FRMD4A: variants seen among roughly 807,000 people sequenced by gnomAD.
FRMD4A encodes the protein FERM domain containing 4A.
Under a neutral mutation model 129.1 loss-of-function variants are expected in FRMD4A, and 29 were observed. The observed-to-expected ratio is 0.22, with a 90% confidence interval of 0.17 to 0.31. FRMD4A has a LOEUF of 0.31. Among genes scored for constraint, FRMD4A ranks in the 10% least tolerant of loss-of-function variants. The pLI is 1.00. For missense variants in FRMD4A, 1,272 were observed against 1,375.8 expected (o/e 0.92, Z 1.19); for synonymous variants, 634 against 571.6 (o/e 1.11, Z -1.56).
At position 13,886,728 on chromosome 10, in the gene FRMD4A, C is replaced by A. The variant is rs559044692; in HGVS notation, c.46-27816G>T. Among the ~76,000 whole-genome samples the A allele has an allele frequency of 4.6e-5, 7 of 152,276 alleles. No individual in the cohort carries two copies. In the South Asian group the frequency reaches 1.5e-3, roughly 32 times the overall value. On this transcript the variant is annotated intron_variant, in intron 2 of 24. Coordinates refer to ENST00000357447, the MANE Select transcript of FRMD4A (RefSeq NM_018027.5). ...CCTGGAGCAGCTGGGAACACAGGCA[C>A]ACGCCACCATGCTTGGCTGGTTTTT...
chr10:14,184,125 CTTTTTTTTTTTTTTT>C (rs58858936), intron 2 of FRMD4A, among the ~76,000 whole-genome samples: 3 of 64,640 alleles, frequency 4.6e-5, no homozygotes, highest in African/African-American at 1.9e-4. Flanking sequence ...CTTTTCTTTT[CTTTTTTTTTTTTTTT>C]TTTTTTTTTG....
At position 13,847,518 on chromosome 10, in the gene FRMD4A, CCCTCCCTT is replaced by C. The variant is rs543708214; in HGVS notation, c.111+11321_111+11328del. The stretch of plus-strand genomic sequence containing the variant: ...TCGCTCGCTCCCTCCCTCCTTCCCT[CCCTCCCTT>C]CCTCCCTTCCTCCCTTCCTTCCTTC... On this transcript the variant is annotated intron_variant, in intron 3 of 24. Transcript: ENST00000357447. 5.7e-3 allele frequency among the ~76,000 whole-genome samples: 862 copies of C among 151,948 alleles called. 14 individuals carry two copies. The highest frequency in any genetic ancestry group is 0.02 in the African/African-American group (813 of 41,496).
intron 2 of FRMD4A, among the ~76,000 whole-genome samples, chr10:13,922,709 C>T (rs987834732): frequency 1.3e-5 from 2 of 152,152 alleles, no homozygotes; most frequent in African/African-American, 2.4e-5. Context: ...AAATTAGCAT[C>T]GTATGGTGCC....
intron 2 of FRMD4A, among the ~76,000 whole-genome samples, chr10:14,128,088 C>CTTTA (rs1396465734): frequency 3.3e-5 from 3 of 89,914 alleles, no homozygotes; most frequent in Non-Finnish European, 6.6e-5. Context: ...TTCTTTCTTT[C>CTTTA]TTTCTTTCTT....
chr10:14,319,356 C>T (rs1387669358), intron 2 of FRMD4A, among the ~76,000 whole-genome samples: 1 of 145,736 alleles, frequency 6.9e-6, no homozygotes, highest in Admixed American at 6.7e-5. Flanking sequence ...TCTCCTCTCT[C>T]TCTCTCTCTC....
intron 15 of FRMD4A, chr10:13,684,006 G>C (rs1370885783): frequency 6.6e-6 from 1 of 152,154 alleles, no homozygotes; most frequent in Non-Finnish European, 1.5e-5. Context: ...ACTGCACCCA[G>C]CTGGGTGACT....
At chr10:13,942,761 T>C (rs558874978) in intron 2 of FRMD4A, among the ~76,000 whole-genome samples, 61 of 152,064 alleles carry the variant, frequency 4.0e-4, no homozygotes, top group Non-Finnish European at 7.2e-4. Context: ...GGTGAAACCC[T>C]GCCTCTACAA....
intron 2 of FRMD4A, among the ~76,000 whole-genome samples, chr10:14,162,686 T>C (rs1014205722): frequency 1.3e-5 from 2 of 150,980 alleles, no homozygotes; most frequent in Non-Finnish European, 2.9e-5. Context: ...ATTTGAAGTA[T>C]TGCATCAGAT....
chr10:14,053,158 G>A (rs569974931), intron 2 of FRMD4A, among the ~76,000 whole-genome samples: 3 of 152,290 alleles, frequency 2.0e-5, no homozygotes, highest in Non-Finnish European at 4.4e-5. Context: ...CAAAAACACT[G>A]TGCAGTGATT....
At chr10:14,239,310 T>C (rs1843945183) in intron 2 of FRMD4A, among the ~76,000 whole-genome samples, 2 of 152,188 alleles carry the variant, frequency 1.3e-5, no homozygotes, top group South Asian at 4.1e-4. Flanking sequence ...ACAAAAAGTT[T>C]TGTTGAGAAT....
intron 2 of FRMD4A, among the ~76,000 whole-genome samples, chr10:14,193,949 C>G (rs1308382072): frequency 6.6e-6 from 1 of 152,144 alleles, no homozygotes; most frequent in Non-Finnish European, 1.5e-5. Context: ...TTGATACATA[C>G]AAACTATGGA....
chr10:13,956,185 C>T (rs2095409082), intron 2 of FRMD4A, among the ~76,000 whole-genome samples: 1 of 152,120 alleles, frequency 6.6e-6, no homozygotes, highest in African/African-American at 2.4e-5. Flanking sequence ...CAGAGTCTCA[C>T]TCTGTCACCC....
At chr10:14,101,779 C>CACAAT (rs1837318236) in intron 2 of FRMD4A, among the ~76,000 whole-genome samples, 1 of 151,198 alleles carries the variant, frequency 6.6e-6, no homozygotes, top group African/African-American at 2.4e-5. Flanking sequence ...CACAACACAA[C>CACAAT]ACATCTCTCC....
At position 14,318,942 on chromosome 10, in the gene FRMD4A, G is replaced by A. The variant is rs1356164402; in HGVS notation, c.45+11116C>T. Among the ~76,000 whole-genome samples, 4 of 152,204 alleles carry A rather than the reference G, an allele frequency of 2.6e-5. No individual in the cohort carries two copies. The East Asian group carries it at 5.8e-4, about 22-fold the overall frequency. Reference sequence around the variant, plus strand: ...GAGGCTAGGTTATGAGCGATCATATGGCTCTGCCTGGCTAGCTCAGATACT... The same window carrying A: ...GAGGCTAGGTTATGAGCGATCATATAGCTCTGCCTGGCTAGCTCAGATACT... On this transcript the variant is annotated intron_variant, in intron 2 of 24. Transcript: ENST00000357447.
intron 2 of FRMD4A, among the ~76,000 whole-genome samples, chr10:14,217,081 T>A (rs1843098105): frequency 6.6e-6 from 1 of 152,172 alleles, no homozygotes; most frequent in African/African-American, 2.4e-5. Context: ...CACCTTCACT[T>A]CTCTGTCACT....
chr10:13,839,670 A>G lies in FRMD4A; in HGVS notation c.111+19177T>C, dbSNP rs529545503. Among the ~76,000 whole-genome samples the G allele has an allele frequency of 2.6e-5, 4 of 152,334 alleles. No homozygotes were observed. In the East Asian group the frequency reaches 7.7e-4, roughly 29 times the overall value. ...TGAAAGACACACCGGCTCCAGGCTC[A>G]GCAAGCCAGGCCCACATCATAGCTC... On this transcript the variant is annotated intron_variant, in intron 3 of 24. Coordinates refer to ENST00000357447, the MANE Select transcript of FRMD4A (RefSeq NM_018027.5).
chr10:13,774,523 C>G lies in FRMD4A; in HGVS notation c.384+8399G>C, dbSNP rs1353836998. On this transcript the variant is annotated intron_variant, in intron 6 of 24. Transcript: ENST00000357447. ...TGTGGAGACTGTTCCCTCCCGATCC[C>G]TGGATGTGGGAGGACATGTCCCAGG... 9.9e-5 allele frequency among the ~76,000 whole-genome samples: 15 copies of G among 152,214 alleles called. 1 individual carries two copies. Among genetic ancestry groups the G allele is most frequent in the Admixed American group, 9.8e-4 (15 of 15,280 alleles).
chr10:14,220,812 T>TTTG (rs1318640915), intron 2 of FRMD4A, among the ~76,000 whole-genome samples: 251 of 45,444 alleles, frequency 5.5e-3, no homozygotes, highest in Middle Eastern at 0.013. Context: ...GTGTGTGTGT[T>TTTG]TGTGTGTGTG....
chr10:13,921,583 C>A (rs2095073905), intron 2 of FRMD4A, among the ~76,000 whole-genome samples: 1 of 152,074 alleles, frequency 6.6e-6, no homozygotes, highest in South Asian at 2.1e-4. Context: ...TATAAGGGTA[C>A]TAATACCATT....
Sources: gnomAD v4.1 joint callset for allele counts (sites outside exome capture counted in the v4.1 genomes callset) on GRCh38, gnomAD v4.1.1 for gene constraint, MANE v1.5 for transcripts, NCBI Gene and HGNC (gene_info 2026-07-23, HGNC 2026-07-21) for gene names.